The following MYO18B variants were observed in gnomAD, a reference collection of about 807,000 sequenced individuals.
MYO18B encodes unconventional myosin-XVIIIb.
Under a neutral mutation model 273.0 loss-of-function variants are expected in MYO18B, and 204 were observed. The observed-to-expected ratio is 0.75, with a 90% CI of 0.67 to 0.84. The LOEUF (loss-of-function observed/expected upper bound fraction) is 0.84. Ranked by LOEUF, MYO18B falls within the 40% of genes least tolerant of loss-of-function variation. MYO18B has a pLI of 0.00. For synonymous variants in MYO18B, 1,330 were observed against 1,305.7 expected (o/e 1.02, Z -0.40); for missense variants, 3,212 against 3,287.6 (o/e 0.98, Z 0.56).
chr22:25,965,686 A>C (rs2092970052), intron 39 of MYO18B, among the ~76,000 whole-genome samples: 1 of 152,268 alleles, frequency 6.6e-6, no homozygotes, highest in Admixed American at 6.5e-5. Context: ...GCAAAACGTT[A>C]GCAAAATAAT....
chr22:26,035,883 C>CCCAAAGG (rs1936768120), downstream of MYO18B, among the ~76,000 whole-genome samples: 1 of 152,192 alleles, frequency 6.6e-6, no homozygotes, highest in African/African-American at 2.4e-5. Context: ...ATCCAGGAGG[C>CCCAAAGG]TCAAAGGTCA....
the MYO18B span, among the ~76,000 whole-genome samples, chr22:26,036,655 C>A: frequency 6.6e-6 from 1 of 152,158 alleles, no homozygotes; most frequent in Non-Finnish European, 1.5e-5. Flanking sequence ...AGTTTATGGT[C>A]TTCCTGCTTA....
intron 20 of MYO18B, among the ~76,000 whole-genome samples, chr22:25,850,308 C>T (rs2090387456): frequency 1.3e-5 from 2 of 152,162 alleles, no homozygotes; most frequent in East Asian, 1.9e-4. Context: ...ACCTCGAGAC[C>T]TGGAATTTGC....
At chr22:25,975,463 A>G (rs1293923677) in intron 39 of MYO18B, among the ~76,000 whole-genome samples, 1 of 152,216 alleles carries the variant, frequency 6.6e-6, no homozygotes, top group Non-Finnish European at 1.5e-5. Context: ...TATGTCTACT[A>G]TGTGACAGGC....
Position 26,027,106 on chromosome 22 carries a change from C to T in MYO18B, c.7132C>T (p.Pro2378Ser), listed in dbSNP as rs367981805. 75 of 1,614,012 alleles carry T rather than the reference C, an allele frequency of 4.6e-5. No homozygotes were observed. In the Middle Eastern group the frequency reaches 4.9e-4, roughly 11 times the overall value. ...CACACCCAGGGACATGCTGTTGTCG[C>T]CCACACTGCGTCCTCGGAGGCGGTG... is the stretch of plus-strand genomic sequence containing the variant. ...PTTPRDMLLS[P>S]TLRPRRRCLE... Residue 2378 changes from proline to serine, a missense_variant, in exon 43 of 44, where the codon CCC (proline) becomes TCC (serine). Pro to Ser is a moderately conservative substitution (Grantham distance 74). Coordinates refer to ENST00000335473, the MANE Select transcript of MYO18B (RefSeq NM_032608.7). This position sits in a 1 kb window ranked among gnomAD's most constrained non-coding sequence, Gnocchi z 4.1.
chr22:26,024,984 G>T (rs1342661735), intron 42 of MYO18B, among the ~76,000 whole-genome samples: 1 of 152,196 alleles, frequency 6.6e-6, no homozygotes, highest in African/African-American at 2.4e-5. Flanking sequence ...TCACACAGTG[G>T]AAGGGGTGAG....
chr22:25,882,161 T>G (rs695809), intron 25 of MYO18B, among the ~76,000 whole-genome samples: 33,413 of 151,942 alleles, frequency 0.22, 5,165 homozygotes, highest in East Asian at 0.43. Flanking sequence ...GTGACCTCCT[T>G]TATCTGTGTC....
At position 25,755,679 on chromosome 22, in the gene MYO18B, C is replaced by T. The variant is rs188501882; in HGVS notation, c.-109-5305C>T. ...TTGGTGCCCACCCTGGGTTAATCAG[C>T]GAGTTCTTGCTCTATTTGTTCACGG... On this transcript the variant is annotated intron_variant, in intron 1 of 43. Coordinates refer to ENST00000335473, the MANE Select transcript of MYO18B (RefSeq NM_032608.7). Among the ~76,000 whole-genome samples, 5 of 152,284 alleles carry T rather than the reference C, an allele frequency of 3.3e-5. No individual in the cohort carries two copies. In the East Asian group the frequency reaches 9.7e-4, roughly 29 times the overall value.
chr22:26,051,221 T>A, the MYO18B span, among the ~76,000 whole-genome samples: 629 of 137,248 alleles, frequency 4.6e-3, 5 homozygotes, highest in African/African-American at 0.016. Flanking sequence ...GGTCCCTTTT[T>A]TTTTTTTTTT....
At chr22:25,962,396 A>G (rs527832961) in intron 39 of MYO18B, among the ~76,000 whole-genome samples, 29 of 152,346 alleles carry the variant, frequency 1.9e-4, no homozygotes, top group African/African-American at 5.8e-4. Context: ...AGAGTCAGGT[A>G]TAGGGTAGAT....
chr22:25,928,803 T>G (rs1033338102), intron 34 of MYO18B, among the ~76,000 whole-genome samples: 3 of 152,098 alleles, frequency 2.0e-5, no homozygotes, highest in Non-Finnish European at 4.4e-5. Flanking sequence ...CTCAGCTGAT[T>G]GGGCTGATAT....
chr22:25,771,512 C>T (rs148939294), intron 6 of MYO18B, among the ~76,000 whole-genome samples: 437 of 152,246 alleles, frequency 2.9e-3, no homozygotes, highest in African/African-American at 9.3e-3. Context: ...GAGGACAAGT[C>T]CCAGTGTAGT....
chr22:25,890,751 C>G lies in MYO18B; in HGVS notation c.4315-5C>G. 1 of 1,613,844 alleles carries G rather than the reference C, an allele frequency of 6.2e-7. No homozygotes were observed. The highest frequency in any genetic ancestry group is 8.5e-7 in the Non-Finnish European group (1 of 1,179,832). ...GTTCCTTGATCACCCCATTCCCCAT[C>G]TCAGATTGCTGACTTGACCTCTGAC... On this transcript the variant is annotated splice_region_variant and splice_polypyrimidine_tract_variant and intron_variant, in intron 25 of 43. Coordinates refer to ENST00000335473, the MANE Select transcript of MYO18B (RefSeq NM_032608.7).
chr22:26,045,163 T>C, the MYO18B span, among the ~76,000 whole-genome samples: 16 of 151,940 alleles, frequency 1.1e-4, no homozygotes, highest in Non-Finnish European at 2.2e-4. Flanking sequence ...TTCTGCTTGC[T>C]CTCTTGTGTC....
At chr22:25,873,264 T>C (rs566076437) in intron 22 of MYO18B, among the ~76,000 whole-genome samples, 2 of 152,252 alleles carry the variant, frequency 1.3e-5, no homozygotes, top group African/African-American at 4.8e-5. Flanking sequence ...GCAGAGGCCA[T>C]CATCCATTAT....
At position 25,846,292 on chromosome 22, in the gene MYO18B, G is replaced by A. The variant is rs1398487332; in HGVS notation, c.3552+9G>A. ...AGATCAAGCTGCAGATGGTGAGTGGGCACCCTGTCTCATGGTGTCCTGGCC... is the reference window on the plus strand; with the variant it reads ...AGATCAAGCTGCAGATGGTGAGTGGACACCCTGTCTCATGGTGTCCTGGCC... On this transcript the variant is annotated intron_variant, in intron 19 of 43. Transcript: ENST00000335473. 5 of 1,609,932 alleles carry A rather than the reference G, an allele frequency of 3.1e-6. No individual in the cohort carries two copies. In the South Asian group the frequency reaches 5.5e-5, roughly 18 times the overall value.
At chr22:25,872,198 A>G (rs1294732876) in intron 22 of MYO18B, among the ~76,000 whole-genome samples, 1 of 152,230 alleles carries the variant, frequency 6.6e-6, no homozygotes, top group Admixed American at 6.5e-5. Context: ...TCCCATTGAG[A>G]AAAGGCATAG....
chr22:25,985,444 A>C (rs924448509), intron 39 of MYO18B, among the ~76,000 whole-genome samples: 1 of 152,176 alleles, frequency 6.6e-6, no homozygotes, highest in Non-Finnish European at 1.5e-5. Context: ...AGGACCCTGT[A>C]GAATGATGAC....
At chr22:25,889,219 A>ATGGGACAGC (rs1375350800) in intron 25 of MYO18B, among the ~76,000 whole-genome samples, 1 of 151,984 alleles carries the variant, frequency 6.6e-6, no homozygotes, top group Non-Finnish European at 1.5e-5. Flanking sequence ...TTCCTTCTTC[A>ATGGGACAGC]TGGGACAGCT....
Sources: gnomAD v4.1 joint callset for allele counts (sites outside exome capture counted in the v4.1 genomes callset) on GRCh38, gnomAD v4.1.1 for gene constraint, Gnocchi (gnomAD v3.1) non-coding constraint, MANE v1.5 for transcripts, NCBI Gene and HGNC (gene_info 2026-07-23, HGNC 2026-07-21) for gene names.